GRM5: variants seen among roughly 807,000 people sequenced by gnomAD.
The protein encoded by GRM5 is metabotropic glutamate receptor 5.
GRM5 carries 19 observed loss-of-function variants against 83.1 expected under a neutral mutation model. The ratio of observed to expected loss-of-function variants is 0.23; its 90% CI spans 0.16 to 0.34. GRM5 has a LOEUF of 0.34. Among genes scored for constraint, GRM5 ranks in the 10% least tolerant of loss-of-function variants. The pLI is 1.00. For missense variants in GRM5, 1,160 were observed against 1,588.3 expected (o/e 0.73, Z 4.58); for synonymous variants, 675 against 633.6 (o/e 1.07, Z -0.98).
At chr11:88,586,923 C>G (rs985614572) in intron 7 of GRM5, among the ~76,000 whole-genome samples, 2 of 152,110 alleles carry the variant, frequency 1.3e-5, no homozygotes, top group Non-Finnish European at 2.9e-5. Context: ...ATTCCAAACT[C>G]GTTAAAGGCT....
intron 2 of GRM5, among the ~76,000 whole-genome samples, chr11:88,999,124 C>T (rs550956004): frequency 6.6e-6 from 1 of 152,252 alleles, no homozygotes; most frequent in African/African-American, 2.4e-5. Flanking sequence ...AGACCTAAAA[C>T]CATCAAAACC....
At chr11:88,781,996 T>G (rs1942984353) in intron 3 of GRM5, among the ~76,000 whole-genome samples, 1 of 152,258 alleles carries the variant, frequency 6.6e-6, no homozygotes, top group African/African-American at 2.4e-5. Flanking sequence ...AATTTTGCAT[T>G]TATTCATTGA....
chr11:88,747,105 T>G (rs1942161127), intron 3 of GRM5, among the ~76,000 whole-genome samples: 1 of 152,212 alleles, frequency 6.6e-6, no homozygotes. Flanking sequence ...AATATTCCAT[T>G]TCTAACAAAC....
chr11:88,964,719 A>G (rs1938892239), intron 2 of GRM5, among the ~76,000 whole-genome samples: 1 of 152,218 alleles, frequency 6.6e-6, no homozygotes, highest in Non-Finnish European at 1.5e-5. Context: ...CCAAAGACAG[A>G]GAGAAGTTCT....
intron 7 of GRM5, among the ~76,000 whole-genome samples, chr11:88,586,061 T>C (rs111667879): frequency 8.1e-4 from 123 of 152,164 alleles, no homozygotes; most frequent in African/African-American, 2.8e-3. Flanking sequence ...TTTTTATTGA[T>C]GAAGATACAT....
chr11:89,064,874 CT>C (rs1942063573), intron 1 of GRM5, among the ~76,000 whole-genome samples: 1 of 45,004 alleles, frequency 2.2e-5, no homozygotes, highest in African/African-American at 7.9e-5. Flanking sequence ...CTCTCTCTCT[CT>C]CTCTCTCTCT....
At chr11:89,043,098 A>T in intron 2 of GRM5, among the ~76,000 whole-genome samples, 1 of 152,184 alleles carries the variant, frequency 6.6e-6, no homozygotes, top group East Asian at 1.9e-4. Flanking sequence ...AAGAAGCAAA[A>T]CTAAAAACTT....
At chr11:88,526,608 C>T (rs1264643038) in intron 8 of GRM5, among the ~76,000 whole-genome samples, 1 of 152,092 alleles carries the variant, frequency 6.6e-6, no homozygotes, top group Non-Finnish European at 1.5e-5. Context: ...ACTTGTTTAT[C>T]TCAGTACAGT....
At chr11:88,855,829 G>A (rs1482061962) in intron 2 of GRM5, among the ~76,000 whole-genome samples, 1 of 151,794 alleles carries the variant, frequency 6.6e-6, no homozygotes, top group Non-Finnish European at 1.5e-5. Flanking sequence ...TGAGCCCATA[G>A]AGGGTAGTTA....
intron 3 of GRM5, among the ~76,000 whole-genome samples, chr11:88,748,602 C>T (rs1489920547): frequency 6.6e-6 from 1 of 152,162 alleles, no homozygotes; most frequent in Non-Finnish European, 1.5e-5. Flanking sequence ...ATCCAGACTG[C>T]TTCTCTGGGC....
chr11:88,714,265 G>A (rs776415233), intron 3 of GRM5, among the ~76,000 whole-genome samples: 49 of 151,954 alleles, frequency 3.2e-4, no homozygotes, highest in Non-Finnish European at 6.2e-4. Flanking sequence ...GGTTTTTAGG[G>A]CCCATTAAGG....
intron 3 of GRM5, among the ~76,000 whole-genome samples, chr11:88,762,222 A>C (rs1053027027): frequency 6.6e-6 from 1 of 152,178 alleles, no homozygotes; most frequent in Non-Finnish European, 1.5e-5. Flanking sequence ...TCTGCACAGC[A>C]AAAGAAACTA....
At chr11:88,921,627 T>TA (rs1945694959) in intron 2 of GRM5, among the ~76,000 whole-genome samples, 1 of 94,824 alleles carries the variant, frequency 1.1e-5, no homozygotes, top group Non-Finnish European at 2.3e-5. Flanking sequence ...GAGACTCCAT[T>TA]TAAAAAAAAA....
At chr11:88,760,493 G>A (rs1023442342) in intron 3 of GRM5, among the ~76,000 whole-genome samples, 3 of 151,890 alleles carry the variant, frequency 2.0e-5, no homozygotes, top group African/African-American at 4.8e-5. Flanking sequence ...CATGTACTCT[G>A]CTAAGACTGA....
intron 8 of GRM5, among the ~76,000 whole-genome samples, chr11:88,529,235 A>C (rs1324764850): frequency 6.6e-6 from 1 of 151,896 alleles, no homozygotes; most frequent in Non-Finnish European, 1.5e-5. Flanking sequence ...TGATTATGTC[A>C]TTGATAAGGT....
intron 2 of GRM5, among the ~76,000 whole-genome samples, chr11:88,972,928 C>T (rs1459554174): frequency 2.6e-5 from 4 of 152,092 alleles, no homozygotes; most frequent in Non-Finnish European, 5.9e-5. Context: ...CAGAAACATA[C>T]AAATCTTAAA....
intron 4 of GRM5, among the ~76,000 whole-genome samples, chr11:88,644,040 A>G (rs1364370173): frequency 1.3e-5 from 2 of 152,216 alleles, no homozygotes; most frequent in East Asian, 3.8e-4. Flanking sequence ...AACTCTTTGA[A>G]TGTGAAAAAC....
intron 2 of GRM5, among the ~76,000 whole-genome samples, chr11:88,995,928 A>G (rs1591032259): frequency 6.6e-6 from 1 of 152,102 alleles, no homozygotes; most frequent in Non-Finnish European, 1.5e-5. Flanking sequence ...TCCTTCATCC[A>G]AAGACTTTCC....
chr11:89,049,301 G>T (rs565217359), intron 1 of GRM5, among the ~76,000 whole-genome samples: 1 of 152,202 alleles, frequency 6.6e-6, no homozygotes, highest in South Asian at 2.1e-4. Flanking sequence ...AAGAAATTTT[G>T]TCCCAAATTT....
Sources: allele counts gnomAD v4.1 joint callset (sites outside exome capture counted in the v4.1 genomes callset), GRCh38; gene constraint gnomAD v4.1.1; transcripts MANE v1.5; gene names NCBI Gene and HGNC (gene_info 2026-07-23, HGNC 2026-07-21).